MEIKIN: variants seen among roughly 807,000 people sequenced by gnomAD.
MEIKIN encodes the protein meiosis-specific kinetochore protein.
At chr5:131,816,504 T>C (rs997786932) in intron 12 of MEIKIN, among the ~76,000 whole-genome samples, 5 of 152,010 alleles carry the variant, frequency 3.3e-5, no homozygotes, top group African/African-American at 9.7e-5. Context: ...TGCCCAAGAG[T>C]TTCCAGCCTG....
At chr5:131,851,443 A>C (rs1017294560) in intron 10 of MEIKIN, 60 bp from the exon 11 acceptor site, 2 of 395,070 alleles carry the variant, frequency 5.1e-6, no homozygotes, top group Admixed American at 8.8e-5. Flanking sequence ...AATGATTTTT[A>C]AGTAATTAAA....
intron 9 of MEIKIN, among the ~76,000 whole-genome samples, chr5:131,860,335 A>T (rs1561735326): frequency 7.2e-5 from 5 of 69,834 alleles, no homozygotes; most frequent in East Asian, 6.3e-4. Context: ...TGTAAATGTG[A>T]TTGCCTTCTT....
chr5:131,937,820 C>T (rs1002274211), intron 4 of MEIKIN, among the ~76,000 whole-genome samples: 4 of 151,890 alleles, frequency 2.6e-5, no homozygotes, highest in Admixed American at 1.3e-4. Context: ...TTTCTCTATC[C>T]TGAGAATTTA....
chr5:131,884,728 T>A (rs944924220), intron 8 of MEIKIN, among the ~76,000 whole-genome samples: 2 of 151,918 alleles, frequency 1.3e-5, no homozygotes, highest in African/African-American at 4.8e-5. Context: ...AGCAGGCTCT[T>A]GGGGGTCCCT....
intron 8 of MEIKIN, among the ~76,000 whole-genome samples, chr5:131,906,855 G>T (rs914044414): frequency 2.0e-5 from 3 of 152,078 alleles, no homozygotes; most frequent in African/African-American, 7.2e-5. Context: ...CAGACACTGG[G>T]GCCTACTTGA....
chr5:131,832,098 G>C (rs953247021), intron 11 of MEIKIN, among the ~76,000 whole-genome samples: 1 of 152,048 alleles, frequency 6.6e-6, no homozygotes, highest in Non-Finnish European at 1.5e-5. Flanking sequence ...TCAGCCAAAA[G>C]TCCACAGTCC....
At chr5:131,942,226 T>C (rs764428718) in intron 4 of MEIKIN, among the ~76,000 whole-genome samples, 1 of 152,234 alleles carries the variant, frequency 6.6e-6, no homozygotes, top group Non-Finnish European at 1.5e-5. Flanking sequence ...TGTACTGCAG[T>C]CATACTGGCC....
chr5:131,811,658 G>C (rs1772958095), intron 12 of MEIKIN, among the ~76,000 whole-genome samples: 1 of 151,420 alleles, frequency 6.6e-6, no homozygotes, highest in South Asian at 2.1e-4. Flanking sequence ...CCAGGCTGGA[G>C]TGCAGTGGCA....
intron 9 of MEIKIN, among the ~76,000 whole-genome samples, chr5:131,857,996 T>A (rs1296331098): frequency 6.6e-6 from 1 of 152,198 alleles, no homozygotes; most frequent in Non-Finnish European, 1.5e-5. Flanking sequence ...CAAGCTAGCA[T>A]AGATCCTGCT....
intron 8 of MEIKIN, among the ~76,000 whole-genome samples, chr5:131,898,706 C>T (rs1181038466): frequency 2.0e-5 from 3 of 152,250 alleles, no homozygotes; most frequent in East Asian, 3.8e-4. Flanking sequence ...GTGAGCAAAA[C>T]TCCGTGGGCA....
At chr5:131,931,264 C>T (rs1468140784) in intron 5 of MEIKIN, among the ~76,000 whole-genome samples, 2 of 152,156 alleles carry the variant, frequency 1.3e-5, no homozygotes, top group Non-Finnish European at 2.9e-5. Flanking sequence ...CAAGAACATC[C>T]CTTGAAAAGT....
intron 6 of MEIKIN, among the ~76,000 whole-genome samples, chr5:131,921,603 G>A (rs1383309971): frequency 6.6e-6 from 1 of 152,020 alleles, no homozygotes; most frequent in Non-Finnish European, 1.5e-5. Flanking sequence ...GTTGCAGTGA[G>A]CCTAAATCAT....
chr5:131,819,765 ATTTTTTTTT>A (rs1167213249), intron 11 of MEIKIN, among the ~76,000 whole-genome samples: 8 of 64,576 alleles, frequency 1.2e-4, no homozygotes, highest in African/African-American at 4.7e-4. Flanking sequence ...ACATCCAGCT[ATTTTTTTTT>A]TTTTTTTTTT....
At chr5:131,911,012 A>G (rs1751327478) in intron 8 of MEIKIN, among the ~76,000 whole-genome samples, 1 of 152,048 alleles carries the variant, frequency 6.6e-6, no homozygotes, top group African/African-American at 2.4e-5. Flanking sequence ...ACATTCCCTT[A>G]TTCTTTGATC....
intron 11 of MEIKIN, among the ~76,000 whole-genome samples, chr5:131,844,723 C>T (rs1399665161): frequency 6.6e-6 from 1 of 152,152 alleles, no homozygotes; most frequent in African/African-American, 2.4e-5. Context: ...ATATTGGGAA[C>T]AGTACCTGAA....
At chr5:131,901,810 G>A (rs997891820) in intron 8 of MEIKIN, among the ~76,000 whole-genome samples, 2 of 151,982 alleles carry the variant, frequency 1.3e-5, no homozygotes, top group Non-Finnish European at 2.9e-5. Flanking sequence ...AACCCCCAAG[G>A]ATATCAAACA....
At chr5:131,875,125 T>G (rs1017565865) in intron 9 of MEIKIN, among the ~76,000 whole-genome samples, 1 of 152,190 alleles carries the variant, frequency 6.6e-6, no homozygotes, top group Admixed American at 6.5e-5. Flanking sequence ...TTCAACATAG[T>G]GTTGGAAGTT....
chr5:131,856,788 T>A (rs992834938), intron 9 of MEIKIN, among the ~76,000 whole-genome samples: 7 of 150,422 alleles, frequency 4.7e-5, no homozygotes, highest in African/African-American at 1.5e-4. Flanking sequence ...TTTGTTAAAA[T>A]ATATATATAT....
chr5:131,934,152 G>A (rs1370850713), intron 4 of MEIKIN, among the ~76,000 whole-genome samples: 2 of 151,082 alleles, frequency 1.3e-5, no homozygotes, highest in Admixed American at 6.6e-5. Flanking sequence ...TAGTAGAGAC[G>A]GGGTTTTACC....
Sources: gnomAD v4.1 joint callset for allele counts (sites outside exome capture counted in the v4.1 genomes callset) on GRCh38, gnomAD v4.1.1 for gene constraint, MANE v1.5 for transcripts, NCBI Gene and HGNC (gene_info 2026-07-23, HGNC 2026-07-21) for gene names.